GABRA3: variants seen among roughly 807,000 people sequenced by gnomAD.
GABRA3 encodes the protein gamma-aminobutyric acid type A receptor subunit alpha3, also known as gamma-aminobutyric acid receptor subunit alpha-3.
A neutral mutation model predicts 30.1 loss-of-function variants in GABRA3; 10 were observed. The observed-to-expected ratio is 0.33, with a 90% CI of 0.20 to 0.56. The LOEUF (loss-of-function observed/expected upper bound fraction) is 0.56, where lower values mean the gene tolerates loss of function less well. Ranked by LOEUF, GABRA3 falls within the 20% of genes least tolerant of loss-of-function variation. The pLI, the probability that GABRA3 is intolerant of heterozygous loss-of-function variation, is 0.89. For missense variants in GABRA3, 233 were observed against 392.0 expected, an observed-to-expected ratio of 0.59 and a Z score of 3.42; for synonymous variants, 151 against 146.8, an observed-to-expected ratio of 1.03 and a Z score of -0.21.
intron 1 of GABRA3, among the ~76,000 whole-genome samples, chrX:152,442,352 T>G (rs760333590): frequency 9.4e-4 from 104 of 111,002 alleles, no homozygotes; most frequent in Non-Finnish European, 1.0e-3. Flanking sequence ...TTTTGAAAGA[T>G]TCTCTGAGTT....
intron 3 of GABRA3, among the ~76,000 whole-genome samples, chrX:152,317,713 A>G (rs1939900304): frequency 8.9e-6 from 1 of 112,181 alleles, no homozygotes; most frequent in Non-Finnish European, 1.9e-5. Context: ...CTGCTCATCA[A>G]TAATCATTGG....
chrX:152,239,190 T>G (rs1414373636), intron 5 of GABRA3, among the ~76,000 whole-genome samples: 8 of 98,365 alleles, frequency 8.1e-5, no homozygotes, highest in Non-Finnish European at 1.4e-4. Flanking sequence ...TCTGGTATGT[T>G]GTGTCTTTGT....
chrX:152,384,286 T>A (rs1486273419), intron 1 of GABRA3, among the ~76,000 whole-genome samples: 2 of 111,426 alleles, frequency 1.8e-5, no homozygotes, highest in African/African-American at 6.5e-5. Context: ...TGTTTTTCAA[T>A]CTCCATACTA....
chrX:152,225,426 A>ACACGCG (rs757649730), intron 5 of GABRA3, among the ~76,000 whole-genome samples: 8 of 14,579 alleles, frequency 5.5e-4, no homozygotes, highest in Admixed American at 4.7e-3. Context: ...ACGCACACAC[A>ACACGCG]CACACGCACA....
chrX:152,231,249 ACACG>A (rs1938069016), intron 5 of GABRA3, among the ~76,000 whole-genome samples: 4 of 106,859 alleles, frequency 3.7e-5, no homozygotes, highest in African/African-American at 1.3e-4. Context: ...ATGTATACAT[ACACG>A]TATATGTATA....
intron 1 of GABRA3, among the ~76,000 whole-genome samples, chrX:152,426,255 A>G (rs1319072187): frequency 9.0e-6 from 1 of 111,683 alleles, no homozygotes. Flanking sequence ...CTCATATGCG[A>G]ATAGTGGATA....
intron 3 of GABRA3, among the ~76,000 whole-genome samples, chrX:152,290,569 T>A (rs1939391211): frequency 8.9e-6 from 1 of 112,285 alleles, no homozygotes; most frequent in Non-Finnish European, 1.9e-5. Context: ...TTTGGTGTTT[T>A]AGTCATCAAG....
intron 1 of GABRA3, among the ~76,000 whole-genome samples, chrX:152,448,297 T>A (rs1298438721): frequency 8.9e-6 from 1 of 112,174 alleles, no homozygotes; most frequent in African/African-American, 3.2e-5. Context: ...TTAACAAGAT[T>A]CCCAGGAGAT....
intron 9 of GABRA3, among the ~76,000 whole-genome samples, chrX:152,181,566 C>A (rs1937147597): frequency 9.1e-6 from 1 of 109,385 alleles, no homozygotes; most frequent in African/African-American, 3.3e-5. Context: ...TAAACTATCA[C>A]AAGAACAAAA....
At chrX:152,246,635 G>T (rs1246407847) in intron 5 of GABRA3, among the ~76,000 whole-genome samples, 5 of 111,547 alleles carry the variant, frequency 4.5e-5, no homozygotes, top group Non-Finnish European at 9.4e-5. Flanking sequence ...GTCCTTGCAT[G>T]AAGTGCACAC....
In GABRA3 at chrX:152,239,423, C is replaced by T. The variant is rs749114776; in HGVS notation, c.552-14578G>A. Among the ~76,000 whole-genome samples the T allele has an allele frequency of 4.9e-5, 5 of 101,922 alleles. No individual in the cohort carries two copies. The East Asian group carries it at 9.8e-4, about 20-fold the overall frequency. The allele number at this position is 101,922 out of a possible 115,157, so 88.5% of individuals were successfully genotyped here. A position where few individuals can be genotyped will look rare whatever the true frequency, so the allele number is the denominator to read the frequency against. On this transcript the variant is annotated intron_variant, in intron 5 of 9. Transcript: ENST00000370314. ...AGAGCTTTTCTTCCAACTATGTGGTCAATTTTGGAATAGGTGTGGTGTGGT... is the reference window on the plus strand; with the variant it reads ...AGAGCTTTTCTTCCAACTATGTGGTTAATTTTGGAATAGGTGTGGTGTGGT...
chrX:152,324,204 A>T (rs1356153870), intron 3 of GABRA3, among the ~76,000 whole-genome samples: 1 of 112,421 alleles, frequency 8.9e-6, no homozygotes. Flanking sequence ...CTGTGTCATT[A>T]TCAATAGCTT....
chrX:152,207,764 C>T (rs956628963), intron 7 of GABRA3, among the ~76,000 whole-genome samples: 3 of 111,961 alleles, frequency 2.7e-5, no homozygotes, highest in African/African-American at 9.7e-5. Context: ...AGCAGGCAAT[C>T]GTGGTTAAGA....
intron 3 of GABRA3, among the ~76,000 whole-genome samples, chrX:152,306,218 A>G (rs1016501059): frequency 3.6e-5 from 4 of 111,638 alleles, no homozygotes; most frequent in African/African-American, 6.5e-5. Context: ...CCTCTCACAC[A>G]CTGCTGCAGT....
At chrX:152,197,839 A>G (rs1937409032) in intron 7 of GABRA3, 54 bp from the exon 8 acceptor site, 2 of 973,230 alleles carry the variant, frequency 2.1e-6, no homozygotes, top group Admixed American at 2.4e-5. Flanking sequence ...TTGCTAAATC[A>G]AGTTGGGCCC....
intron 4 of GABRA3, among the ~76,000 whole-genome samples, chrX:152,281,635 A>C (rs185131358): frequency 8.9e-6 from 1 of 111,795 alleles, no homozygotes; most frequent in African/African-American, 3.2e-5. Context: ...CCTTATATTC[A>C]TGAATGGAGA....
intron 1 of GABRA3, among the ~76,000 whole-genome samples, chrX:152,447,374 G>A (rs917689354): frequency 2.7e-5 from 3 of 111,675 alleles, no homozygotes; most frequent in Non-Finnish European, 5.7e-5. Context: ...GTAACCCTCT[G>A]AAGTAGTCAA....
At chrX:152,345,117 C>G (rs928216224) in intron 3 of GABRA3, among the ~76,000 whole-genome samples, 18 of 111,337 alleles carry the variant, frequency 1.6e-4, no homozygotes, top group African/African-American at 4.9e-4. Flanking sequence ...TGTTTCTCAG[C>G]TTTTCCTGGA....
At chrX:152,360,712 T>TA (rs1290227612) in intron 2 of GABRA3, among the ~76,000 whole-genome samples, 14 of 31,482 alleles carry the variant, frequency 4.4e-4, no homozygotes, top group Admixed American at 1.9e-3. Flanking sequence ...AAAAAAAAAT[T>TA]AAAAAAAAAA....
Sources: allele counts gnomAD v4.1 joint callset (sites outside exome capture counted in the v4.1 genomes callset), GRCh38; gene constraint gnomAD v4.1.1; transcripts MANE v1.5; gene names NCBI Gene and HGNC (gene_info 2026-07-23, HGNC 2026-07-21).